Variants in TTC7B observed in about 807,000 individuals in gnomAD.
TTC7B encodes tetratricopeptide repeat domain 7B.
A neutral mutation model predicts 106.8 loss-of-function variants in TTC7B; 28 were observed. The ratio of observed to expected loss-of-function variants is 0.26; its 90% CI spans 0.19 to 0.36. The LOEUF (loss-of-function observed/expected upper bound fraction) is 0.36. Among genes scored for constraint, TTC7B ranks in the 10% least tolerant of loss-of-function variants. The pLI, the probability that TTC7B is intolerant of heterozygous loss-of-function variation, is 1.00. For missense variants in TTC7B, 862 were observed against 1,076.4 expected (o/e 0.80, Z 2.79); for synonymous variants, 405 against 430.6 (o/e 0.94, Z 0.74).
chr14:90,608,934 A>G lies in TTC7B; in HGVS notation c.1966+1808T>C, dbSNP rs922895470. 1.1e-4 allele frequency among the ~76,000 whole-genome samples: 16 copies of G among 152,168 alleles called. No homozygotes were observed. The highest frequency in any genetic ancestry group is 1.0e-3 in the Admixed American group (16 of 15,280). Reference sequence around the variant, plus strand: ...TCACAGGATACTTAGGAGGGAGAAAAGTGGGGAGACGGCGCTGGGTAGCCA... The same window carrying G: ...TCACAGGATACTTAGGAGGGAGAAAGGTGGGGAGACGGCGCTGGGTAGCCA... On this transcript the variant is annotated intron_variant, in intron 17 of 19. Transcript: ENST00000328459. The surrounding 1 kb of genome is among the most constrained non-coding windows in gnomAD (Gnocchi z 5.1).
At chr14:90,554,004 T>C (rs1021211557) in intron 19 of TTC7B, among the ~76,000 whole-genome samples, 1 of 152,208 alleles carries the variant, frequency 6.6e-6, no homozygotes, top group Non-Finnish European at 1.5e-5. Context: ...CGCCAGCACC[T>C]AGGGTGCTGG....
intron 3 of TTC7B, among the ~76,000 whole-genome samples, chr14:90,765,955 T>G (rs1002486144): frequency 6.6e-6 from 1 of 152,174 alleles, no homozygotes; most frequent in Non-Finnish European, 1.5e-5. Flanking sequence ...CTCATTTTTC[T>G]CTTTCTCCCT....
intron 16 of TTC7B, among the ~76,000 whole-genome samples, chr14:90,615,035 G>A (rs1177995917): frequency 6.6e-6 from 1 of 152,192 alleles, no homozygotes; most frequent in Non-Finnish European, 1.5e-5. Flanking sequence ...ATAGAATCCA[G>A]GCTTCTGAAA....
chr14:90,812,998 G>A (rs985955485), intron 1 of TTC7B, among the ~76,000 whole-genome samples: 31 of 152,204 alleles, frequency 2.0e-4, no homozygotes, highest in African/African-American at 7.2e-4. Flanking sequence ...TGGGAAGGAG[G>A]GATTCCTCTG....
intron 13 of TTC7B, 29 bp from the exon 14 acceptor site, chr14:90,647,052 A>C: frequency 6.2e-7 from 1 of 1,608,398 alleles, no homozygotes; most frequent in Non-Finnish European, 8.5e-7. Context: ...CTATTAGTAC[A>C]TGGGAGAGGA....
At chr14:90,703,168 G>A (rs542729177) in intron 5 of TTC7B, among the ~76,000 whole-genome samples, 7 of 152,272 alleles carry the variant, frequency 4.6e-5, no homozygotes, top group South Asian at 2.1e-4. Flanking sequence ...TTCATAAGAC[G>A]GGGCTCAATT....
chr14:90,716,779 C>T (rs1383283729), intron 5 of TTC7B, among the ~76,000 whole-genome samples: 2 of 152,000 alleles, frequency 1.3e-5, no homozygotes, highest in African/African-American at 2.4e-5. Context: ...TGCTTATTTC[C>T]AGGATGCAGG....
chr14:90,766,726 C>T (rs1418201643), intron 3 of TTC7B: 21 of 1,540,958 alleles, frequency 1.4e-5, no homozygotes, highest in African/African-American at 9.5e-5. Flanking sequence ...TGAGGTGGAA[C>T]GTGTGATCAC....
At chr14:90,746,757 T>G (rs1398829676) in intron 3 of TTC7B, among the ~76,000 whole-genome samples, 2 of 152,266 alleles carry the variant, frequency 1.3e-5, no homozygotes, top group Non-Finnish European at 2.9e-5. Flanking sequence ...CCTACAAATT[T>G]TGATATTCAG....
intron 9 of TTC7B, among the ~76,000 whole-genome samples, chr14:90,673,725 G>T (rs191174824): frequency 1.3e-5 from 2 of 152,166 alleles, no homozygotes; most frequent in Non-Finnish European, 2.9e-5. Flanking sequence ...AAAACAAATT[G>T]TGGTAGATCT....
At chr14:90,665,895 T>C (rs10138661) in intron 9 of TTC7B, among the ~76,000 whole-genome samples, 9,849 of 152,296 alleles carry the variant, frequency 0.065, 371 homozygotes, top group African/African-American at 0.1. Context: ...ACATGATATA[T>C]ACAAAATATT....
At chr14:90,599,043 C>T (rs1003648068) in intron 17 of TTC7B, among the ~76,000 whole-genome samples, 2 of 151,930 alleles carry the variant, frequency 1.3e-5, no homozygotes, top group Admixed American at 6.6e-5. Context: ...CCCAGCTACT[C>T]GGGAGGCTGA....
At chr14:90,556,749 CCCAGGCCATGTGCG>C (rs1305077987) in intron 19 of TTC7B, among the ~76,000 whole-genome samples, 2 of 152,132 alleles carry the variant, frequency 1.3e-5, no homozygotes, top group Non-Finnish European at 2.9e-5. Context: ...GGCACTGTGC[CCCAGGCCATGTGCG>C]CCAGGCCAGG....
At chr14:90,785,225 A>C (rs1891346245) in intron 2 of TTC7B, among the ~76,000 whole-genome samples, 1 of 152,202 alleles carries the variant, frequency 6.6e-6, no homozygotes, top group Middle Eastern at 3.2e-3. Context: ...AAAGCCAAAG[A>C]AAGCATGGCT....
At chr14:90,794,603 T>C (rs933211194) in intron 1 of TTC7B, among the ~76,000 whole-genome samples, 1 of 152,152 alleles carries the variant, frequency 6.6e-6, no homozygotes, top group Non-Finnish European at 1.5e-5. Context: ...GGGAGTTTCC[T>C]GCTAGGCAGG....
rs559979176 is a variant in TTC7B, at chr14:90,789,272, A to G, written c.122-2944T>C. Among the ~76,000 whole-genome samples the G allele has an allele frequency of 1.0e-3, 158 of 152,062 alleles. 1 individual carries two copies. The highest frequency in any genetic ancestry group is 3.6e-3 in the African/African-American group (151 of 41,544). ...CACCACCATGCCCAGCTAATTTTGT[A>G]TTTTTAGTAGAGACGGAGTTTCGCC... is the stretch of plus-strand genomic sequence containing the variant. On this transcript the variant is annotated intron_variant, in intron 1 of 19. Transcript: ENST00000328459.
chr14:90,754,652 T>C (rs1890232155), intron 3 of TTC7B, among the ~76,000 whole-genome samples: 1 of 152,056 alleles, frequency 6.6e-6, no homozygotes, highest in African/African-American at 2.4e-5. Flanking sequence ...TTTTAGTATG[T>C]TCACATAGTC....
chr14:90,639,703 A>G (rs1334480036), intron 15 of TTC7B, among the ~76,000 whole-genome samples: 2 of 152,236 alleles, frequency 1.3e-5, no homozygotes, highest in Admixed American at 6.5e-5. Flanking sequence ...GAACGTGTGC[A>G]CCAGGAGCCC....
intron 19 of TTC7B, among the ~76,000 whole-genome samples, chr14:90,573,996 G>A (rs995425370): frequency 2.0e-5 from 3 of 152,146 alleles, no homozygotes; most frequent in African/African-American, 4.8e-5. Context: ...CCAGGCTGAC[G>A]TTATCAGAGG....
Sources: gnomAD v4.1 joint callset for allele counts (sites outside exome capture counted in the v4.1 genomes callset) on GRCh38, gnomAD v4.1.1 for gene constraint, Gnocchi (gnomAD v3.1) non-coding constraint, MANE v1.5 for transcripts, NCBI Gene and HGNC (gene_info 2026-07-23, HGNC 2026-07-21) for gene names.